Variants in MYT1L observed in about 807,000 individuals in gnomAD.
The protein encoded by MYT1L is myelin transcription factor 1 like, also known as myelin transcription factor 1-like protein.
In MYT1L, 12 loss-of-function variants were observed where a neutral mutation model predicts 126.7. The observed-to-expected ratio is 0.09, with a 90% CI of 0.06 to 0.15. MYT1L has a LOEUF of 0.15. Among genes scored for constraint, MYT1L ranks in the 10% least tolerant of loss-of-function variants. The pLI, the probability that MYT1L is intolerant of heterozygous loss-of-function variation, is 1.00. For missense variants in MYT1L, 979 were observed against 1,585.2 expected (o/e 0.62, Z 6.49); for synonymous variants, 541 against 604.2 (o/e 0.90, Z 1.53).
chr2:1,843,959 C>T (rs2042171500), intron 19 of MYT1L, among the ~76,000 whole-genome samples: 1 of 152,218 alleles, frequency 6.6e-6, no homozygotes, highest in Non-Finnish European at 1.5e-5. Context: ...CTCTAGACTC[C>T]TAGAATGCCT....
At chr2:2,158,699 C>T (rs1480971352) in intron 3 of MYT1L, among the ~76,000 whole-genome samples, 1 of 144,042 alleles carries the variant, frequency 6.9e-6, no homozygotes, top group African/African-American at 2.7e-5. Context: ...CACAAACATT[C>T]AAGTACACAC....
chr2:2,058,165 A>G (rs1449026165), intron 3 of MYT1L, among the ~76,000 whole-genome samples: 1 of 152,188 alleles, frequency 6.6e-6, no homozygotes, highest in African/African-American at 2.4e-5. Context: ...CATGGTTTTA[A>G]CTGGCATTTG....
intron 4 of MYT1L, among the ~76,000 whole-genome samples, chr2:2,019,705 C>G (rs894508592): frequency 1.3e-5 from 2 of 152,168 alleles, no homozygotes; most frequent in Non-Finnish European, 2.9e-5. Flanking sequence ...ACACATGCAA[C>G]CTCACACACA....
chr2:1,946,251 A>G (rs180978065), intron 8 of MYT1L, among the ~76,000 whole-genome samples: 76 of 152,192 alleles, frequency 5.0e-4, no homozygotes, highest in Non-Finnish European at 4.4e-4. Context: ...AGTTGCAGAA[A>G]AACAAGCTCC....
chr2:2,196,734 A>T (rs2092815819), intron 2 of MYT1L, among the ~76,000 whole-genome samples: 1 of 152,008 alleles, frequency 6.6e-6, no homozygotes, highest in African/African-American at 2.4e-5. Context: ...ATCTATCACT[A>T]TCAAAGTTAT....
intron 1 of MYT1L, chr2:2,323,917 T>C (rs1188354693): frequency 6.6e-6 from 1 of 152,188 alleles, no homozygotes; most frequent in Non-Finnish European, 1.5e-5. Context: ...ATTTTGCTGG[T>C]CTCGATGCAC....
chr2:2,087,829 T>TG (rs1558969836), intron 3 of MYT1L, among the ~76,000 whole-genome samples: 1 of 152,204 alleles, frequency 6.6e-6, no homozygotes, highest in East Asian at 1.9e-4. Context: ...TAATCTATAA[T>TG]GGCTTTTAAG....
At chr2:2,050,578 A>G (rs1000202687) in intron 4 of MYT1L, among the ~76,000 whole-genome samples, 1 of 152,166 alleles carries the variant, frequency 6.6e-6, no homozygotes, top group Non-Finnish European at 1.5e-5. Context: ...GAGGACAGAA[A>G]AATGCCCTAA....
At position 2,117,444 on chromosome 2, in the gene MYT1L, C is replaced by T. The variant is rs116302682; in HGVS notation, c.-304+55428G>A. On this transcript the variant is annotated intron_variant, in intron 3 of 24. Transcript: ENST00000647738. Reference sequence around the variant, plus strand: ...GAATCACCGGGACTTCAGTGGGCATCGTTGGATCAGCAGGCGGACCGCCGT... The same window carrying T: ...GAATCACCGGGACTTCAGTGGGCATTGTTGGATCAGCAGGCGGACCGCCGT... 4.9e-3 allele frequency among the ~76,000 whole-genome samples: 752 copies of T among 152,176 alleles called. 5 individuals are homozygous for T. Among genetic ancestry groups the T allele is most frequent in the African/African-American group, 0.018 (727 of 41,514 alleles).
At chr2:1,905,031 C>T (rs541126882) in intron 13 of MYT1L, among the ~76,000 whole-genome samples, 6 of 151,910 alleles carry the variant, frequency 3.9e-5, no homozygotes, top group South Asian at 4.2e-4. Context: ...CTCCTGACCT[C>T]GTGATCCACC....
intron 4 of MYT1L, among the ~76,000 whole-genome samples, chr2:2,021,229 G>A (rs1246226129): frequency 6.6e-6 from 1 of 152,192 alleles, no homozygotes; most frequent in African/African-American, 2.4e-5. Flanking sequence ...ACAGGTACAG[G>A]AGAAAGGGAT....
Position 1,956,191 on chromosome 2 carries a change from G to GTCTGTCTGTCTA in MYT1L, c.153-12858_153-12857insTAGACAGACAGA, listed in dbSNP as rs1553354694. 8.4e-3 allele frequency among the ~76,000 whole-genome samples: 1,222 copies of GTCTGTCTGTCTA among 145,982 alleles called. 17 individuals are homozygous for GTCTGTCTGTCTA. The highest frequency in any genetic ancestry group is 0.022 in the Middle Eastern group (6 of 272). On this transcript the variant is annotated intron_variant, in intron 8 of 24. Transcript: ENST00000647738. ...TGTCTGCCTGTTCATTTACCTAGCT[G>GTCTGTCTGTCTA]TCTATCTATCTATCTATCTATCTAT...
chr2:2,072,715 T>C (rs544138893), intron 3 of MYT1L, among the ~76,000 whole-genome samples: 1 of 152,298 alleles, frequency 6.6e-6, no homozygotes, highest in African/African-American at 2.4e-5. Flanking sequence ...AGTGTTGTTC[T>C]CATGCTAGTG....
At chr2:1,987,319 G>GTT (rs1035573294) in intron 5 of MYT1L, among the ~76,000 whole-genome samples, 1 of 143,506 alleles carries the variant, frequency 7.0e-6, no homozygotes, top group South Asian at 2.2e-4. Flanking sequence ...TGTTTTTTTT[G>GTT]TTTTTTTTTT....
At chr2:2,267,326 G>C (rs936399590) in intron 2 of MYT1L, among the ~76,000 whole-genome samples, 1 of 152,184 alleles carries the variant, frequency 6.6e-6, no homozygotes, top group Non-Finnish European at 1.5e-5. Context: ...CACTTCCATG[G>C]GGAAACTGAA....
At chr2:2,191,847 G>T (rs1481733531) in intron 2 of MYT1L, among the ~76,000 whole-genome samples, 1 of 152,162 alleles carries the variant, frequency 6.6e-6, no homozygotes, top group Non-Finnish European at 1.5e-5. Context: ...ACATAGATTA[G>T]CCCAGGTTTT....
intron 3 of MYT1L, among the ~76,000 whole-genome samples, chr2:2,132,094 G>C (rs993804792): frequency 3.3e-5 from 5 of 151,600 alleles, no homozygotes; most frequent in Non-Finnish European, 4.4e-5. Context: ...TTCTAGTAGA[G>C]ATGGGGGTTT....
intron 18 of MYT1L, among the ~76,000 whole-genome samples, chr2:1,856,838 A>C (rs1023092352): frequency 6.6e-6 from 1 of 152,242 alleles, no homozygotes; most frequent in Non-Finnish European, 1.5e-5. Flanking sequence ...AACCCACTTT[A>C]CATCAATGCT....
chr2:1,970,889 A>G (rs1246155009), intron 8 of MYT1L, among the ~76,000 whole-genome samples: 3 of 152,248 alleles, frequency 2.0e-5, no homozygotes, highest in African/African-American at 7.2e-5. Context: ...GAACAAGATT[A>G]TAATTGTGAA....
Sources: gnomAD v4.1 joint callset for allele counts (sites outside exome capture counted in the v4.1 genomes callset) on GRCh38, gnomAD v4.1.1 for gene constraint, MANE v1.5 for transcripts, NCBI Gene and HGNC (gene_info 2026-07-23, HGNC 2026-07-21) for gene names.